The following USP12 variants were observed in gnomAD, a reference collection of about 807,000 sequenced individuals.
USP12 encodes ubiquitin specific peptidase 12.
In USP12, 19 loss-of-function variants were observed where a neutral mutation model predicts 45.5. The ratio of observed to expected loss-of-function variants is 0.42; its 90% CI spans 0.29 to 0.61. The LOEUF (loss-of-function observed/expected upper bound fraction) is 0.61, where lower values mean the gene tolerates loss of function less well. Ranked by LOEUF, USP12 falls within the 20% of genes least tolerant of loss-of-function variation. The pLI is 0.22. For missense variants in USP12, 242 were observed against 447.7 expected (o/e 0.54, Z 4.15); for synonymous variants, 149 against 148.8 (o/e 1.00, Z -0.01).
intron 1 of USP12, among the ~76,000 whole-genome samples, chr13:27,163,309 C>G (rs1445401224): frequency 6.6e-6 from 1 of 152,084 alleles, no homozygotes; most frequent in Admixed American, 6.5e-5. Flanking sequence ...CCTTACTGTT[C>G]ACAAGACCCG....
At chr13:27,131,714 C>CT (rs1285109069) in intron 1 of USP12, among the ~76,000 whole-genome samples, 9 of 152,172 alleles carry the variant, frequency 5.9e-5, no homozygotes, top group Non-Finnish European at 1.3e-4. Flanking sequence ...TATAAGTACT[C>CT]TAAGTTCACA....
chr13:27,159,116 G>C (rs1292204462), intron 1 of USP12, among the ~76,000 whole-genome samples: 1 of 152,200 alleles, frequency 6.6e-6, no homozygotes, highest in Non-Finnish European at 1.5e-5. Context: ...TTTAAAAATA[G>C]TAAGTGGTTT....
chr13:27,171,114 C>G (rs1414755567), intron 1 of USP12, among the ~76,000 whole-genome samples: 3 of 151,380 alleles, frequency 2.0e-5, no homozygotes, highest in Non-Finnish European at 3.0e-5. Flanking sequence ...GGACCCCTCC[C>G]GCTCGGCGCG....
At chr13:27,137,346 C>T (rs1354011354) in intron 1 of USP12, among the ~76,000 whole-genome samples, 8 of 152,006 alleles carry the variant, frequency 5.3e-5, no homozygotes, top group African/African-American at 7.2e-5. Context: ...ATCTTCAATC[C>T]GCTTTATAAA....
intron 1 of USP12, among the ~76,000 whole-genome samples, chr13:27,133,894 G>A (rs1876654906): frequency 6.6e-6 from 1 of 152,232 alleles, no homozygotes; most frequent in Non-Finnish European, 1.5e-5. Flanking sequence ...CCCTTTGGGA[G>A]GTCAAGGCAA....
intron 1 of USP12, among the ~76,000 whole-genome samples, chr13:27,118,144 C>T (rs577120670): frequency 2.0e-5 from 3 of 151,722 alleles, no homozygotes; most frequent in Admixed American, 6.6e-5. Flanking sequence ...GAATCCCACA[C>T]CTGCTGCTTC....
At chr13:27,126,349 G>A (rs1482332072) in intron 1 of USP12, among the ~76,000 whole-genome samples, 1 of 152,190 alleles carries the variant, frequency 6.6e-6, no homozygotes, top group Non-Finnish European at 1.5e-5. Flanking sequence ...GTCTGGAGTG[G>A]ACCTCCAGCA....
At chr13:27,152,265 GTATAT>G (rs1555238753) in intron 1 of USP12, among the ~76,000 whole-genome samples, 1 of 152,128 alleles carries the variant, frequency 6.6e-6, no homozygotes, top group Non-Finnish European at 1.5e-5. Context: ...ACAAAATGTA[GTATAT>G]CCACACAATG....
rs1179552087 is a variant in USP12 at position 27,090,102 on chromosome 13, T to C, written c.630A>G (p.Thr210=). Residue 210 remains threonine, a synonymous_variant, in exon 5 of 9, where the codon ACA becomes ACG. Coordinates refer to ENST00000282344, the MANE Select transcript of USP12 (RefSeq NM_182488.4). The stretch of plus-strand genomic sequence containing the variant: ...TATACCTTAAGCAGTGAGTAATTGA[T>C]GTATTTTGTTCCACGTCAACAGAAA... ...LDLSVDVEQN[T]SITHCLRGFS... The C allele has an allele frequency of 6.3e-7, 1 of 1,580,320 alleles. No individual in the cohort carries two copies. The highest frequency in any genetic ancestry group is 1.1e-5 in the South Asian group (1 of 87,160).
At chr13:27,151,843 C>T (rs1216039610) in intron 1 of USP12, among the ~76,000 whole-genome samples, 2 of 151,986 alleles carry the variant, frequency 1.3e-5, no homozygotes, top group Non-Finnish European at 2.9e-5. Flanking sequence ...CCAAAGAATG[C>T]GAATAGATAT....
chr13:27,145,126 C>A (rs1029564425), intron 1 of USP12, among the ~76,000 whole-genome samples: 2 of 152,128 alleles, frequency 1.3e-5, no homozygotes, highest in Non-Finnish European at 2.9e-5. Context: ...TGTAGCCATC[C>A]CACTCTTCAC....
intron 3 of USP12, among the ~76,000 whole-genome samples, chr13:27,102,222 C>T (rs1210152927): frequency 6.6e-6 from 1 of 152,194 alleles, no homozygotes; most frequent in East Asian, 1.9e-4. Flanking sequence ...TGAGGGTCAA[C>T]TCTAGCTAAC....
At chr13:27,122,860 G>A (rs1208166331) in intron 1 of USP12, among the ~76,000 whole-genome samples, 2 of 152,068 alleles carry the variant, frequency 1.3e-5, no homozygotes, top group Admixed American at 6.5e-5. Context: ...TTGGGAGGCC[G>A]AGGCAGGCAG....
intron 1 of USP12, among the ~76,000 whole-genome samples, chr13:27,119,141 CA>C (rs1413755138): frequency 6.6e-6 from 1 of 152,202 alleles, no homozygotes; most frequent in East Asian, 1.9e-4. Context: ...CCCTTCCCTT[CA>C]AACAAAAAGA....
At chr13:27,145,518 T>C (rs1032799959) in intron 1 of USP12, among the ~76,000 whole-genome samples, 2 of 152,196 alleles carry the variant, frequency 1.3e-5, no homozygotes, top group African/African-American at 4.8e-5. Context: ...TATAAAGATA[T>C]TTAATAATAA....
chr13:27,094,352 A>C (rs1874464262), intron 4 of USP12, among the ~76,000 whole-genome samples: 3 of 152,042 alleles, frequency 2.0e-5, no homozygotes. Flanking sequence ...AAGTTTAAAA[A>C]CTAGCTGGGG....
intron 1 of USP12, among the ~76,000 whole-genome samples, chr13:27,124,275 C>A (rs1876124909): frequency 1.3e-5 from 2 of 152,112 alleles, no homozygotes; most frequent in African/African-American, 4.8e-5. Flanking sequence ...AATCTCCTGG[C>A]CCACAATATC....
chr13:27,123,556 G>A (rs1304690195), intron 1 of USP12, among the ~76,000 whole-genome samples: 1 of 152,114 alleles, frequency 6.6e-6, no homozygotes, highest in Non-Finnish European at 1.5e-5. Flanking sequence ...TAATTCCCAC[G>A]TGTCGTGGCA....
At chr13:27,092,535 A>G (rs996636444) in intron 4 of USP12, among the ~76,000 whole-genome samples, 2 of 152,232 alleles carry the variant, frequency 1.3e-5, no homozygotes, top group Non-Finnish European at 2.9e-5. Context: ...CCAACAGGAC[A>G]GAAGACAGTG....
Sources: allele counts gnomAD v4.1 joint callset (sites outside exome capture counted in the v4.1 genomes callset), GRCh38; gene constraint gnomAD v4.1.1; transcripts MANE v1.5; gene names NCBI Gene and HGNC (gene_info 2026-07-23, HGNC 2026-07-21).